Variants in ZFAT observed in about 807,000 individuals in gnomAD.
ZFAT encodes the protein zinc finger protein ZFAT.
In ZFAT, 64 loss-of-function variants were observed where a neutral mutation model predicts 117.7. That is an observed-to-expected ratio of 0.54 (90% CI 0.44 to 0.67). ZFAT has a LOEUF of 0.67. ZFAT is among the 30% of genes least tolerant of loss of function. ZFAT has a pLI of 0.00. For synonymous variants in ZFAT, 679 were observed against 615.0 expected (o/e 1.10, Z -1.54); for missense variants, 1,433 against 1,584.5 (o/e 0.90, Z 1.62).
rs181678375 is a variant in ZFAT, at chr8:134,546,936, G to A, written c.2977-13964C>T. Among the ~76,000 whole-genome samples the A allele has an allele frequency of 1.4e-3, 214 of 152,298 alleles. 1 individual carries two copies. Among genetic ancestry groups the A allele is most frequent in the Admixed American group, 0.011 (165 of 15,302 alleles). On this transcript the variant is annotated intron_variant, in intron 11 of 15. Transcript: ENST00000377838. ...CAGAACCAACGGTATTTCTTTTAAC[G>A]TGCATTTGGAGTTTGAGCACTTCCT...
At chr8:134,681,697 T>C (rs139584913) in intron 1 of ZFAT, among the ~76,000 whole-genome samples, 34 of 152,306 alleles carry the variant, frequency 2.2e-4, no homozygotes, top group Admixed American at 5.9e-4. Flanking sequence ...AAAACTAAGA[T>C]CCTATTAAAT....
chr8:134,634,614 T>C (rs764853236), intron 3 of ZFAT, among the ~76,000 whole-genome samples: 3 of 152,120 alleles, frequency 2.0e-5, no homozygotes, highest in South Asian at 2.1e-4. Context: ...CATTTAGGAA[T>C]AGTTATTAAA....
rs925282772 is a variant in ZFAT, at chr8:134,637,340, T to C, written c.448+121A>G. ...TTAGGAAAATAAGCACTTTTCCAGA[T>C]GGGTGAGAGCTGAATAAATATGTGC... On this transcript the variant is annotated intron_variant, in intron 3 of 15. Transcript: ENST00000377838. 17 of 1,288,820 alleles carry C rather than the reference T, an allele frequency of 1.3e-5. No homozygotes were observed. The African/African-American group carries it at 1.5e-4, about 11-fold the overall frequency. The allele number at this position is 1,288,820 out of a possible 1,614,324, so 79.8% of individuals were successfully genotyped here. A position where few individuals can be genotyped will look rare whatever the true frequency, so the allele number is the denominator to read the frequency against.
At chr8:134,588,122 A>C in intron 9 of ZFAT, 124 bp downstream of exon 9, 2 of 1,160,156 alleles carry the variant, frequency 1.7e-6, no homozygotes, top group Admixed American at 2.9e-5. Flanking sequence ...CACATCTCTC[A>C]GTGTGCTAAG....
chr8:134,823,154 C>A, the ZFAT span, among the ~76,000 whole-genome samples: 1 of 152,176 alleles, frequency 6.6e-6, no homozygotes, highest in Non-Finnish European at 1.5e-5. Context: ...AGTTTCAAAT[C>A]TCCCATGTCA....
the ZFAT span, among the ~76,000 whole-genome samples, chr8:134,779,055 G>A: frequency 1.3e-5 from 2 of 152,100 alleles, no homozygotes; most frequent in African/African-American, 2.4e-5. Flanking sequence ...TAAAGAGCAG[G>A]TTCCACTATA....
At chr8:134,671,553 G>A (rs1403596338) in intron 1 of ZFAT, among the ~76,000 whole-genome samples, 1 of 152,052 alleles carries the variant, frequency 6.6e-6, no homozygotes, top group African/African-American at 2.4e-5. Context: ...AAATTCAACA[G>A]CCCTTCATGT....
At chr8:134,525,799 A>T (rs1316023024) in intron 12 of ZFAT, among the ~76,000 whole-genome samples, 3 of 152,248 alleles carry the variant, frequency 2.0e-5, no homozygotes, top group Non-Finnish European at 4.4e-5. Flanking sequence ...AAAGACTGGC[A>T]ACAAACACTA....
At chr8:134,810,931 AC>A in the ZFAT span, among the ~76,000 whole-genome samples, 1 of 152,156 alleles carries the variant, frequency 6.6e-6, no homozygotes, top group Non-Finnish European at 1.5e-5. Context: ...GTATTAACTA[AC>A]ATGGGGGGGA....
At chr8:134,572,141 T>C (rs1266557775) in intron 10 of ZFAT, among the ~76,000 whole-genome samples, 1 of 152,252 alleles carries the variant, frequency 6.6e-6, no homozygotes, top group Non-Finnish European at 1.5e-5. Flanking sequence ...AAACTTGTTA[T>C]TAATGAACTG....
intron 14 of ZFAT, 121 bp downstream of exon 14, chr8:134,512,354 C>T (rs912545147): frequency 1.3e-5 from 19 of 1,442,114 alleles, no homozygotes; most frequent in African/African-American, 2.8e-5. Context: ...GCAGTCTGAA[C>T]GCTGGGTCAG....
Position 134,602,232 on chromosome 8 carries a change from T to A in ZFAT, c.1487A>T (p.Gln496Leu), listed in dbSNP as rs766432061. Residue 496 changes from glutamine to leucine, a missense_variant, in exon 6 of 16, where the codon CAG becomes CTG. Gln to Leu is a moderately radical substitution (Grantham distance 113). This residue lies in a region of ZFAT where 372 missense variants were observed against 355.6 expected (regional missense o/e 1.05). Coordinates refer to ENST00000377838, the MANE Select transcript of ZFAT (RefSeq NM_020863.4). ...ACCAGGTTCCAGGAGGCAGAAGCTC[T>A]GGTTGATGGAACTGGTGAAGACCAA... ...EALVFTSSIN[Q>L]SFCLLEPGGD... 3.7e-6 allele frequency: 6 copies of A among 1,613,756 alleles called. No homozygotes were observed. Among genetic ancestry groups the A allele is most frequent in the Non-Finnish European group, 5.1e-6 (6 of 1,180,038 alleles).
chr8:134,717,585 G>A (rs1378820212), upstream of ZFAT, among the ~76,000 whole-genome samples: 5 of 144,898 alleles, frequency 3.5e-5, no homozygotes, highest in Non-Finnish European at 6.0e-5. Flanking sequence ...CTGGGTTCAT[G>A]CCATTCTCCT....
chr8:134,812,815 T>C, the ZFAT span, among the ~76,000 whole-genome samples: 21 of 152,328 alleles, frequency 1.4e-4, no homozygotes, highest in Non-Finnish European at 2.9e-4. Flanking sequence ...TCTGAGGCAA[T>C]GTTCTAAGTG....
At chr8:134,533,389 C>A (rs1821580183) in intron 11 of ZFAT, among the ~76,000 whole-genome samples, 1 of 152,180 alleles carries the variant, frequency 6.6e-6, no homozygotes, top group Non-Finnish European at 1.5e-5. Context: ...ACATTTCACT[C>A]AACTACAGAC....
chr8:134,570,564 G>A (rs1824817245), intron 10 of ZFAT, among the ~76,000 whole-genome samples: 2 of 152,154 alleles, frequency 1.3e-5, no homozygotes, highest in Admixed American at 6.5e-5. Context: ...CAGGTTGTGG[G>A]TACTTTGAGA....
At chr8:134,495,226 C>G (rs1201129557) in intron 15 of ZFAT, among the ~76,000 whole-genome samples, 2 of 152,172 alleles carry the variant, frequency 1.3e-5, no homozygotes, top group African/African-American at 4.8e-5. Context: ...AGTCTGAGAT[C>G]AGGGAGCCAG....
chr8:134,479,530 T>C (rs1422163639), intron 15 of ZFAT, among the ~76,000 whole-genome samples: 3 of 152,132 alleles, frequency 2.0e-5, no homozygotes, highest in Non-Finnish European at 4.4e-5. Context: ...GATCTTGAGA[T>C]GAGAAACAAA....
At chr8:134,591,282 T>C (rs1429479385) in intron 7 of ZFAT, among the ~76,000 whole-genome samples, 2 of 152,170 alleles carry the variant, frequency 1.3e-5, no homozygotes, top group African/African-American at 2.4e-5. Flanking sequence ...GTGTTGGAAG[T>C]AGAGTGTGCG....
Sources: gnomAD v4.1 joint callset for allele counts (sites outside exome capture counted in the v4.1 genomes callset) on GRCh38, gnomAD v4.1.1 for gene constraint, gnomAD v4.1.1 regional missense constraint, MANE v1.5 for transcripts, NCBI Gene and HGNC (gene_info 2026-07-23, HGNC 2026-07-21) for gene names.